Variants in PER3 observed in about 807,000 individuals in gnomAD.
PER3 encodes the protein period circadian regulator 3, also known as period circadian protein homolog 3.
A neutral mutation model predicts 127.2 loss-of-function variants in PER3; 107 were observed. The ratio of observed to expected loss-of-function variants is 0.84; its 90% confidence interval spans 0.72 to 0.99. The LOEUF is 0.99. PER3 is among the 50% of genes least tolerant of loss of function. PER3 has a pLI of 0.00. For missense variants in PER3, 1,560 were observed against 1,525.8 expected (o/e 1.02, Z -0.37); for synonymous variants, 618 against 585.8 (o/e 1.05, Z -0.79).
chr1:7,812,800 C>T (rs562435465), intron 13 of PER3, among the ~76,000 whole-genome samples: 2 of 152,278 alleles, frequency 1.3e-5, no homozygotes, highest in African/African-American at 4.8e-5. Flanking sequence ...TTTGGCACAG[C>T]TTTGGAGAAC....
chr1:7,839,617 T>C (rs75046413), intron 21 of PER3, among the ~76,000 whole-genome samples: 1,768 of 152,338 alleles, frequency 0.012, 31 homozygotes, highest in African/African-American at 0.041. Context: ...TTTGTTTGTC[T>C]GGGAATGTCT....
At position 7,812,285 on chromosome 1, in the gene PER3, T is replaced by C. The variant is rs1360566132; in HGVS notation, c.1522+1697T>C. Among the ~76,000 whole-genome samples the C allele has an allele frequency of 2.0e-5, 3 of 151,968 alleles. No individual in the cohort carries two copies. In the East Asian group the frequency reaches 5.8e-4, roughly 29 times the overall value. ...CGGTACTATTTTTTTTTGAAGGCTA[T>C]ATCTTTAAGTAGATGGCAATATTCC... On this transcript the variant is annotated intron_variant, in intron 13 of 21. Transcript: ENST00000377532.
At chr1:7,823,902 C>G (rs983453093) in intron 16 of PER3, among the ~76,000 whole-genome samples, 2 of 152,172 alleles carry the variant, frequency 1.3e-5, no homozygotes, top group African/African-American at 4.8e-5. Flanking sequence ...TTGGGCTGTA[C>G]TATGTCTCAG....
In PER3 at chr1:7,818,765, A is replaced by G. The variant is rs1485974902; in HGVS notation, c.1523-520A>G. On this transcript the variant is annotated intron_variant, in intron 13 of 21. Transcript: ENST00000377532. ...GCTTTAGCCATATTCCAAGTGTTTA[A>G]TAGTTACGTTAGCACATATAATACT... Among the ~76,000 whole-genome samples, 4 of 152,264 alleles carry G rather than the reference A, an allele frequency of 2.6e-5. No homozygotes were observed. In the East Asian group the frequency reaches 5.8e-4, roughly 22 times the overall value.
At chr1:7,792,255 C>T (rs1271135662) in intron 5 of PER3, among the ~76,000 whole-genome samples, 2 of 152,102 alleles carry the variant, frequency 1.3e-5, no homozygotes, top group Non-Finnish European at 2.9e-5. Flanking sequence ...AAGCGCCAAG[C>T]AAAAGGGGGA....
chr1:7,788,967 C>G (rs181205007), intron 5 of PER3, among the ~76,000 whole-genome samples: 1 of 151,008 alleles, frequency 6.6e-6, no homozygotes, highest in East Asian at 1.9e-4. Context: ...GCCCCTGAAA[C>G]TTATGAGTCT....
chr1:7,798,128 C>T (rs989424187), intron 6 of PER3, among the ~76,000 whole-genome samples: 5 of 152,176 alleles, frequency 3.3e-5, no homozygotes, highest in South Asian at 2.1e-4. Context: ...GAACTAGCCC[C>T]GGGGCATGAT....
rs35733104 is a variant in PER3, at chr1:7,827,344, C to T, written c.2415C>T (p.Tyr805=). Residue 805 remains tyrosine (Y), a synonymous_variant, in exon 18 of 22, where the codon TAC becomes TAT. Coordinates refer to ENST00000377532, the MANE Select transcript of PER3 (RefSeq NM_001377275.1). ...CCATGGTGCCCAGCCAGGCCCCTTA[C>T]CTCGTCCCAGCTTTTCCCCTCCCAG... The part of the protein sequence containing the change: ...PAAMVPSQAP[Y]LVPAFPLPAA... 3.9e-3 allele frequency: 6,316 copies of T among 1,614,070 alleles called. 186 individuals carry two copies. In the East Asian group the frequency reaches 0.088, roughly 23 times the overall value.
chr1:7,822,797 A>C (rs564980233), intron 16 of PER3, among the ~76,000 whole-genome samples: 1 of 152,282 alleles, frequency 6.6e-6, no homozygotes, highest in African/African-American at 2.4e-5. Context: ...AGTGGTTCAC[A>C]ACTGTAACCC....
Position 7,801,181 on chromosome 1 carries a change from G to GT in PER3, c.863dup (p.Asp289ArgfsTer2), listed in dbSNP as rs1336456914. ...CACCCCAGGGTGTGTTTTTCTTGAA[G>GT]TAGATGAAAAGTAAGTACTTCTTTA... On this transcript the variant is annotated frameshift_variant, in exon 8 of 22. Coordinates refer to ENST00000377532, the MANE Select transcript of PER3 (RefSeq NM_001377275.1). LOFTEE classifies it high-confidence loss of function. 1.3e-6 allele frequency: 2 copies of GT among 1,578,796 alleles called. No homozygotes were observed. The highest frequency in any genetic ancestry group is 1.4e-5 in the African/African-American group (1 of 73,856).
chr1:7,804,213 C>T (rs896084134), intron 10 of PER3, among the ~76,000 whole-genome samples: 40 of 150,602 alleles, frequency 2.7e-4, no homozygotes, highest in African/African-American at 8.8e-4. Context: ...ATGTTTAAAA[C>T]GAACATACTA....
intron 10 of PER3, among the ~76,000 whole-genome samples, chr1:7,805,792 A>G (rs1037067874): frequency 2.0e-5 from 3 of 152,186 alleles, no homozygotes; most frequent in Non-Finnish European, 4.4e-5. Flanking sequence ...TCAGGGTTAA[A>G]GATACGGCCT....
At chr1:7,842,530 A>G (rs990573451) in intron 21 of PER3, 142 bp from the exon 22 acceptor site, 7 of 778,600 alleles carry the variant, frequency 9.0e-6, no homozygotes, top group Non-Finnish European at 1.2e-5. Context: ...TTATAATAAT[A>G]ATAAAGAATG....
At chr1:7,819,095 T>C (rs1028301809) in intron 13 of PER3, among the ~76,000 whole-genome samples, 190 bp from the exon 14 acceptor site, 1 of 152,276 alleles carries the variant, frequency 6.6e-6, no homozygotes, top group Non-Finnish European at 1.5e-5. Context: ...CTGCACCTTA[T>C]TTTATTCATT....
chr1:7,841,545 G>A (rs550086087), intron 21 of PER3, among the ~76,000 whole-genome samples: 17 of 152,194 alleles, frequency 1.1e-4, no homozygotes, highest in Non-Finnish European at 5.9e-5. Flanking sequence ...ACAGCTTACC[G>A]TCTAAGCATT....
chr1:7,816,439 G>A (rs2097251874), intron 13 of PER3, among the ~76,000 whole-genome samples: 1 of 152,056 alleles, frequency 6.6e-6, no homozygotes, highest in South Asian at 2.1e-4. Context: ...CAAATGAAAA[G>A]ACAAAATAGT....
chr1:7,835,985 G>A (rs766540560), intron 20 of PER3, 40 bp downstream of exon 20: 5 of 1,411,310 alleles, frequency 3.5e-6, no homozygotes, highest in Middle Eastern at 1.8e-4. Flanking sequence ...TTATATTTTT[G>A]TGGTTTCTTT....
At chr1:7,793,068 C>A (rs2097129219) in intron 5 of PER3, among the ~76,000 whole-genome samples, 1 of 152,206 alleles carries the variant, frequency 6.6e-6, no homozygotes, top group Non-Finnish European at 1.5e-5. Flanking sequence ...AAGACCTGGG[C>A]TGCTTATTCA....
intron 13 of PER3, among the ~76,000 whole-genome samples, chr1:7,812,095 A>C (rs977592958): frequency 6.6e-6 from 1 of 152,054 alleles, no homozygotes; most frequent in African/African-American, 2.4e-5. Flanking sequence ...TGTTTTTCTC[A>C]TTGTCTGGTC....
Sources: gnomAD v4.1 joint callset for allele counts (sites outside exome capture counted in the v4.1 genomes callset) on GRCh38, gnomAD v4.1.1 for gene constraint, MANE v1.5 for transcripts, NCBI Gene and HGNC (gene_info 2026-07-23, HGNC 2026-07-21) for gene names.